CPA6: variants seen among roughly 807,000 people sequenced by gnomAD.
CPA6 encodes the protein carboxypeptidase A6.
In CPA6, 58 loss-of-function variants were observed where a neutral mutation model predicts 63.3. That is an observed-to-expected ratio of 0.92 (90% CI 0.74 to 1.14). The LOEUF (loss-of-function observed/expected upper bound fraction) is 1.14, where lower values mean the gene tolerates loss of function less well. Ranked by LOEUF, CPA6 falls within the 50% of genes most tolerant of loss-of-function variation. The pLI, the probability that CPA6 is intolerant of heterozygous loss-of-function variation, is 0.00. For synonymous variants in CPA6, 185 were observed against 179.0 expected (o/e 1.03, Z -0.27); for missense variants, 565 against 526.6 (o/e 1.07, Z -0.71).
At chr8:67,724,458 A>G (rs138873547) in intron 1 of CPA6, among the ~76,000 whole-genome samples, 30 of 152,340 alleles carry the variant, frequency 2.0e-4, no homozygotes, top group African/African-American at 5.8e-4. Flanking sequence ...AGCTCTGTAC[A>G]CAAAACAAAA....
intron 2 of CPA6, among the ~76,000 whole-genome samples, chr8:67,571,321 T>C (rs1195080055): frequency 1.3e-5 from 2 of 152,322 alleles, no homozygotes; most frequent in Non-Finnish European, 2.9e-5. Flanking sequence ...TGAGGAACCA[T>C]TGGACTTGAA....
At chr8:67,626,263 T>C (rs1815192050) in intron 1 of CPA6, among the ~76,000 whole-genome samples, 1 of 152,180 alleles carries the variant, frequency 6.6e-6, no homozygotes, top group South Asian at 2.1e-4. Context: ...AAGGCTAATA[T>C]GGAGGGCATC....
At chr8:67,423,585 T>C (rs1228667546) in intron 10 of CPA6, among the ~76,000 whole-genome samples, 1 of 152,218 alleles carries the variant, frequency 6.6e-6, no homozygotes, top group Non-Finnish European at 1.5e-5. Flanking sequence ...CTTTTCCTGC[T>C]TTTGTTTGGC....
intron 4 of CPA6, 39 bp from the exon 5 acceptor site, chr8:67,509,657 A>G (rs1812004378): frequency 2.0e-6 from 2 of 998,154 alleles, no homozygotes; most frequent in East Asian, 5.1e-5. Context: ...AGACTCTCTC[A>G]AAATAATGGA....
chr8:67,477,587 C>T (rs1811270929), intron 8 of CPA6, among the ~76,000 whole-genome samples: 1 of 152,094 alleles, frequency 6.6e-6, no homozygotes, highest in African/African-American at 2.4e-5. Flanking sequence ...GCTCAATACA[C>T]TCATTTGGAT....
At chr8:67,632,977 TC>T (rs1815378447) in intron 1 of CPA6, among the ~76,000 whole-genome samples, 1 of 152,258 alleles carries the variant, frequency 6.6e-6, no homozygotes, top group Non-Finnish European at 1.5e-5. Context: ...TCCTTATTTT[TC>T]TGATGAATTT....
chr8:67,743,442 A>G (rs750551183), intron 1 of CPA6, among the ~76,000 whole-genome samples: 53 of 152,270 alleles, frequency 3.5e-4, no homozygotes, highest in Non-Finnish European at 5.7e-4. Flanking sequence ...TGGGGTATCT[A>G]TCCCCTTAAG....
At chr8:67,606,305 CAT>C (rs1814636861) in intron 2 of CPA6, among the ~76,000 whole-genome samples, 1 of 151,794 alleles carries the variant, frequency 6.6e-6, no homozygotes, top group Non-Finnish European at 1.5e-5. Flanking sequence ...ACATTGTGCA[CAT>C]GTGCCCTAAA....
At chr8:67,637,681 A>AACAAT (rs973624825) in intron 1 of CPA6, among the ~76,000 whole-genome samples, 1 of 151,548 alleles carries the variant, frequency 6.6e-6, no homozygotes, top group Admixed American at 6.6e-5. Context: ...ACATAAGACA[A>AACAAT]ACAATACCTT....
At chr8:67,500,943 A>G (rs928346456) in intron 6 of CPA6, among the ~76,000 whole-genome samples, 5 of 151,922 alleles carry the variant, frequency 3.3e-5, no homozygotes, top group African/African-American at 1.2e-4. Flanking sequence ...CACCAATACC[A>G]CACACTCTTA....
rs138707975 is a variant in CPA6 at position 67,702,139 on chromosome 8, T to G, written c.116+43875A>C. On this transcript the variant is annotated intron_variant, in intron 1 of 10. Transcript: ENST00000297770. ...TGATAAGCAGCTTCCCAATAAGATC[T>G]TAGGACTTGGGTGAGTGGGCTCAAA... Among the ~76,000 whole-genome samples the G allele has an allele frequency of 4.1e-3, 631 of 152,230 alleles. 4 individuals carry two copies. The highest frequency in any genetic ancestry group is 0.013 in the African/African-American group (520 of 41,514).
chr8:67,627,948 C>T (rs146230617), intron 1 of CPA6, among the ~76,000 whole-genome samples: 14 of 152,294 alleles, frequency 9.2e-5, no homozygotes, highest in African/African-American at 1.9e-4. Context: ...AAAGGGAACA[C>T]GATCTCCAAC....
rs143729595 is a variant in CPA6 at position 67,560,941 on chromosome 8, C to T, written c.193-42894G>A. ...ATTATCATTTGGAGAGTAAATGGAG[C>T]TTGGCCTACCCAACCCTGATTATTT... On this transcript the variant is annotated intron_variant, in intron 2 of 10. Coordinates refer to ENST00000297770, the MANE Select transcript of CPA6 (RefSeq NM_020361.5). Among the ~76,000 whole-genome samples the T allele has an allele frequency of 1.1e-3, 172 of 152,260 alleles. 2 individuals are homozygous for T. Among genetic ancestry groups the T allele is most frequent in the Admixed American group, 9.9e-3 (152 of 15,284 alleles).
At chr8:67,727,415 C>T (rs1362627806) in intron 1 of CPA6, among the ~76,000 whole-genome samples, 3 of 152,146 alleles carry the variant, frequency 2.0e-5, no homozygotes, top group African/African-American at 2.4e-5. Flanking sequence ...AACTTTCTAA[C>T]CTTCTCTTGT....
At chr8:67,632,465 G>A (rs534667411) in intron 1 of CPA6, among the ~76,000 whole-genome samples, 7 of 151,652 alleles carry the variant, frequency 4.6e-5, no homozygotes, top group Non-Finnish European at 1.0e-4. Context: ...GTGCCACCAC[G>A]CCCAGCTAAT....
At chr8:67,453,491 C>T (rs1563958951) in intron 8 of CPA6, among the ~76,000 whole-genome samples, 1 of 152,016 alleles carries the variant, frequency 6.6e-6, no homozygotes, top group Admixed American at 6.6e-5. Context: ...AGTGAAGATG[C>T]TAATAGATAT....
intron 8 of CPA6, among the ~76,000 whole-genome samples, chr8:67,482,141 C>A (rs553707113): frequency 6.6e-6 from 1 of 152,170 alleles, no homozygotes; most frequent in Non-Finnish European, 1.5e-5. Flanking sequence ...CAAAGGGAAG[C>A]AAGACCTTAC....
intron 1 of CPA6, among the ~76,000 whole-genome samples, chr8:67,680,259 T>G (rs1297650908): frequency 6.6e-6 from 1 of 152,154 alleles, no homozygotes; most frequent in Non-Finnish European, 1.5e-5. Flanking sequence ...TCCAGCACTT[T>G]GGGAGGCTGA....
intron 8 of CPA6, among the ~76,000 whole-genome samples, chr8:67,445,024 TG>T (rs1810380935): frequency 1.3e-5 from 2 of 152,138 alleles, no homozygotes; most frequent in Non-Finnish European, 2.9e-5. Context: ...ACAAAGTAAC[TG>T]GGGACTTTTG....
Sources: gnomAD v4.1 joint callset for allele counts (sites outside exome capture counted in the v4.1 genomes callset) on GRCh38, gnomAD v4.1.1 for gene constraint, MANE v1.5 for transcripts, NCBI Gene and HGNC (gene_info 2026-07-23, HGNC 2026-07-21) for gene names.